ADTRP: variants seen among roughly 807,000 people sequenced by gnomAD.
ADTRP encodes the protein androgen-dependent TFPI-regulating protein.
ADTRP carries 20 observed loss-of-function variants against 27.0 expected under a neutral mutation model. The observed-to-expected ratio is 0.74, with a 90% CI of 0.52 to 1.08. The LOEUF (loss-of-function observed/expected upper bound fraction) is 1.08. Ranked by LOEUF, ADTRP falls within the 50% of genes least tolerant of loss-of-function variation. The pLI is 0.00. For synonymous variants in ADTRP, 101 were observed against 105.2 expected (o/e 0.96, Z 0.25); for missense variants, 251 against 275.0 (o/e 0.91, Z 0.62).
At chr6:11,776,472 C>T (rs1304086047) in intron 1 of ADTRP, among the ~76,000 whole-genome samples, 1 of 152,136 alleles carries the variant, frequency 6.6e-6, no homozygotes, top group Non-Finnish European at 1.5e-5. Context: ...AATGTTAAGA[C>T]TCACATGGCA....
chr6:11,723,686 C>G (rs141419773), intron 4 of ADTRP, among the ~76,000 whole-genome samples, 186 bp from the exon 5 acceptor site: 1 of 152,134 alleles, frequency 6.6e-6, no homozygotes, highest in Non-Finnish European at 1.5e-5. Flanking sequence ...CAACTTGATT[C>G]AATAAGACAT....
intron 4 of ADTRP, among the ~76,000 whole-genome samples, chr6:11,726,285 G>C (rs951525643): frequency 1.3e-5 from 2 of 152,128 alleles, no homozygotes; most frequent in Non-Finnish European, 2.9e-5. Context: ...TTGTTTGTTC[G>C]TACCAAAACT....
At chr6:11,747,959 G>A (rs1394124216) in intron 3 of ADTRP, among the ~76,000 whole-genome samples, 1 of 152,174 alleles carries the variant, frequency 6.6e-6, no homozygotes, top group Non-Finnish European at 1.5e-5. Flanking sequence ...TGAATACACA[G>A]TTACCTAATT....
At chr6:11,750,706 A>C (rs938957355) in intron 3 of ADTRP, among the ~76,000 whole-genome samples, 6 of 152,240 alleles carry the variant, frequency 3.9e-5, no homozygotes, top group Non-Finnish European at 7.3e-5. Flanking sequence ...TAAAAGGATG[A>C]ACAAAATGAA....
intron 1 of ADTRP, among the ~76,000 whole-genome samples, chr6:11,768,961 C>T (rs543959398): frequency 6.6e-6 from 1 of 152,130 alleles, no homozygotes; most frequent in African/African-American, 2.4e-5. Flanking sequence ...GCAGGCCTCA[C>T]CGAGACAATC....
chr6:11,744,271 C>T (rs1762801353), intron 3 of ADTRP, among the ~76,000 whole-genome samples: 4 of 152,354 alleles, frequency 2.6e-5, no homozygotes, highest in African/African-American at 9.6e-5. Context: ...ATGTTAGCAG[C>T]ATGCTTCCTG....
chr6:11,748,472 AG>A (rs1051514374), intron 3 of ADTRP, among the ~76,000 whole-genome samples: 1 of 152,234 alleles, frequency 6.6e-6, no homozygotes, highest in African/African-American at 2.4e-5. Flanking sequence ...ACCACATACC[AG>A]GCATTGTGTG....
intron 1 of ADTRP, among the ~76,000 whole-genome samples, chr6:11,769,624 T>C (rs571523658): frequency 3.3e-5 from 5 of 151,772 alleles, no homozygotes; most frequent in South Asian, 2.1e-4. Context: ...AGGGGAGAAA[T>C]TGAAAAACTA....
At chr6:11,732,550 G>A (rs750197739) in intron 4 of ADTRP, among the ~76,000 whole-genome samples, 2 of 152,198 alleles carry the variant, frequency 1.3e-5, no homozygotes, top group Admixed American at 6.5e-5. Context: ...TAACCAGGGC[G>A]TGAGCAGAAA....
intron 3 of ADTRP, among the ~76,000 whole-genome samples, chr6:11,759,632 G>T (rs952176781): frequency 6.6e-6 from 1 of 152,166 alleles, no homozygotes; most frequent in Non-Finnish European, 1.5e-5. Flanking sequence ...GCATTCAGTG[G>T]TGTTATCTTA....
chr6:11,762,031 A>G (rs549937391), intron 3 of ADTRP, among the ~76,000 whole-genome samples: 2 of 152,298 alleles, frequency 1.3e-5, no homozygotes, highest in South Asian at 2.1e-4. Context: ...ACAATTTCAC[A>G]CCAAGCTTAT....
At chr6:11,719,390 C>A (rs1003898850) in intron 5 of ADTRP, among the ~76,000 whole-genome samples, 4 of 152,306 alleles carry the variant, frequency 2.6e-5, no homozygotes, top group Middle Eastern at 3.4e-3. Flanking sequence ...AACAGCGGTT[C>A]CGGATCCCGA....
intron 5 of ADTRP, among the ~76,000 whole-genome samples, chr6:11,720,181 A>G (rs954142747): frequency 6.6e-6 from 1 of 152,226 alleles, no homozygotes; most frequent in Non-Finnish European, 1.5e-5. Context: ...AGGCTGTGGA[A>G]GGAGGGAAAA....
At chr6:11,775,563 T>TA (rs1441085390) in intron 1 of ADTRP, among the ~76,000 whole-genome samples, 1 of 152,052 alleles carries the variant, frequency 6.6e-6, no homozygotes, top group Non-Finnish European at 1.5e-5. Flanking sequence ...GAGGTCAGTT[T>TA]ACTCTCTTAT....
chr6:11,743,405 C>T (rs1193235389), intron 3 of ADTRP, among the ~76,000 whole-genome samples: 1 of 152,198 alleles, frequency 6.6e-6, no homozygotes, highest in Non-Finnish European at 1.5e-5. Flanking sequence ...CCTCTAATTA[C>T]TCTGCTCTCC....
intron 4 of ADTRP, among the ~76,000 whole-genome samples, chr6:11,733,514 A>G (rs1159824545): frequency 1.3e-5 from 2 of 152,116 alleles, no homozygotes; most frequent in African/African-American, 4.8e-5. Flanking sequence ...GCCTCAGCTT[A>G]GACAGTGCTT....
At position 11,723,427 on chromosome 6, in the gene ADTRP, C is replaced by T. The variant is rs1201196259; in HGVS notation, c.580G>A (p.Ala194Thr). ...ACGTAGCTGAGAGAGAAGAAAGCTG[C>T]TAGACCCAAGAGGCTGAGTTTGGCA... ...VFAKLSLLGL[A>T]AFFSLSYVFI... Residue 194 changes from alanine to threonine, a missense_variant, in exon 5 of 6, where the codon GCA (alanine) becomes ACA (threonine). Coordinates refer to ENST00000414691, the MANE Select transcript of ADTRP (RefSeq NM_032744.4). The T allele has an allele frequency of 1.1e-5, 17 of 1,614,040 alleles. No homozygotes were observed. Among genetic ancestry groups the T allele is most frequent in the Non-Finnish European group, 1.4e-5 (17 of 1,180,022 alleles).
At chr6:11,719,741 A>G (rs1223329829) in intron 5 of ADTRP, among the ~76,000 whole-genome samples, 1 of 152,026 alleles carries the variant, frequency 6.6e-6, no homozygotes, top group African/African-American at 2.4e-5. Context: ...CTGACCTCCT[A>G]TTTGCTGTAA....
intron 1 of ADTRP, 79 bp from the exon 2 acceptor site, chr6:11,768,462 T>C (rs1763646170): frequency 6.4e-7 from 1 of 1,559,872 alleles, no homozygotes; most frequent in African/African-American, 1.4e-5. Context: ...ACTCCATCCC[T>C]CTGAGAGTAA....
Sources: allele counts gnomAD v4.1 joint callset (sites outside exome capture counted in the v4.1 genomes callset), GRCh38; gene constraint gnomAD v4.1.1; transcripts MANE v1.5; gene names NCBI Gene and HGNC (gene_info 2026-07-23, HGNC 2026-07-21).